Variants in CARD14 observed in about 807,000 individuals in gnomAD.
CARD14 encodes the protein caspase recruitment domain-containing protein 14.
CARD14 carries 107 observed loss-of-function variants against 111.5 expected under a neutral mutation model. The ratio of observed to expected loss-of-function variants is 0.96; its 90% CI spans 0.82 to 1.13. CARD14 has a LOEUF of 1.13. CARD14 is among the 50% of genes most tolerant of loss of function. The pLI is 0.00. For missense variants in CARD14, 1,322 were observed against 1,362.3 expected (o/e 0.97, Z 0.47); for synonymous variants, 617 against 579.6 (o/e 1.06, Z -0.93).
chr17:80,182,921 GC>G lies in CARD14; in HGVS notation c.349+135del. ...CCTCCAGGCTGCAGTTCCTGTCCCA[GC>G]CCCAGCACTCTGAGGGTGAGGAACC... is the stretch of plus-strand genomic sequence containing the variant. On this transcript the variant is annotated intron_variant, in intron 6 of 23. Coordinates refer to ENST00000648509, the MANE Select transcript of CARD14 (RefSeq NM_001366385.1). This position sits in a 1 kb window ranked among gnomAD's most constrained non-coding sequence, Gnocchi z 4.7. 1 of 1,099,188 alleles carries G rather than the reference GC, an allele frequency of 9.1e-7. No individual in the cohort carries two copies. Among genetic ancestry groups the G allele is most frequent in the Non-Finnish European group, 1.3e-6 (1 of 757,528 alleles). The allele number at this position is 1,099,188 out of a possible 1,614,324, so 68.1% of individuals were successfully genotyped here.
In CARD14 at chr17:80,202,172, T is replaced by G. The variant is rs1444255452; in HGVS notation, c.1979-8T>G. The G allele has an allele frequency of 3.1e-6, 5 of 1,605,896 alleles. No individual in the cohort carries two copies. Among genetic ancestry groups the G allele is most frequent in the Non-Finnish European group, 4.3e-6 (5 of 1,173,304 alleles). ...GGCTCATCTGTGGCTCATGTCCCCT[T>G]TTATCAGGTTATAAGAGGCTACTCC... On this transcript the variant is annotated splice_region_variant and splice_polypyrimidine_tract_variant and intron_variant, in intron 17 of 23. Transcript: ENST00000648509.
chr17:80,191,259 C>T, intron 10 of CARD14, 64 bp from the exon 11 acceptor site: 2 of 1,573,108 alleles, frequency 1.3e-6, no homozygotes, highest in Non-Finnish European at 1.7e-6. Flanking sequence ...CAGGGCTCTC[C>T]TTCTCTAGCT....
rs4889996 is a variant in CARD14 at position 80,204,371 on chromosome 17, A to G, written c.2398+30A>G. On this transcript the variant is annotated intron_variant, in intron 20 of 23. Transcript: ENST00000648509. ...GGCCTGGTGAGCTGGCACAGGGGCC[A>G]CTGGCTCCAAGTGGGTGAGGGGCTT... 0.48 allele frequency: 720,998 copies of G among 1,511,984 alleles called. 176,772 individuals are homozygous for G. The highest frequency in any genetic ancestry group is 0.55 in the East Asian group (22,029 of 40,254). The allele number at this position is 1,511,984 out of a possible 1,614,324, so 93.7% of individuals were successfully genotyped here.
At chr17:80,204,177 G>A in intron 19 of CARD14, 50 bp from the exon 20 acceptor site, 2 of 1,521,228 alleles carry the variant, frequency 1.3e-6, no homozygotes, top group Non-Finnish European at 8.9e-7. Flanking sequence ...TCCCATTCCT[G>A]TTGATGGCTT....
intron 2 of CARD14, 63 bp downstream of exon 2, chr17:80,173,291 C>G (rs1260290254): frequency 1.4e-5 from 2 of 139,142 alleles, no homozygotes; most frequent in African/African-American, 2.7e-5. Flanking sequence ...CTCTCTTTCT[C>G]TCTCATGCAC....
intron 7 of CARD14, among the ~76,000 whole-genome samples, chr17:80,187,576 G>A (rs1315616178): frequency 6.6e-6 from 1 of 152,228 alleles, no homozygotes; most frequent in Non-Finnish European, 1.5e-5. Flanking sequence ...CAGGAGCTGG[G>A]AACTTGCGAA....
rs1322384527 is a variant in CARD14, at chr17:80,181,437, C to A, written c.-2C>A. 5 of 1,563,476 alleles carry A rather than the reference C, an allele frequency of 3.2e-6. No individual in the cohort carries two copies. Among genetic ancestry groups the A allele is most frequent in the Non-Finnish European group, 4.3e-6 (5 of 1,154,178 alleles). ...CTCCTAGGGTCCTCCCAGCGCCCAG[C>A]CATGGGGGAACTGTGCCGCAGGGAC... On this transcript the variant is annotated 5_prime_UTR_variant, in exon 5 of 24. Coordinates refer to ENST00000648509, the MANE Select transcript of CARD14 (RefSeq NM_001366385.1).
At position 80,195,374 on chromosome 17, in the gene CARD14, G is replaced by A; in HGVS notation, c.1499+41G>A. ...CCTTCCTGGCACTGGGGTGGCACTG[G>A]GGTCCTTCCTGGCAACTCACCAGAG... is the stretch of plus-strand genomic sequence containing the variant. On this transcript the variant is annotated intron_variant, in intron 13 of 23. Transcript: ENST00000648509. This position sits in a 1 kb window ranked among gnomAD's most constrained non-coding sequence, Gnocchi z 4.7. 1 of 1,583,830 alleles carries A rather than the reference G, an allele frequency of 6.3e-7. No individual in the cohort carries two copies. Among genetic ancestry groups the A allele is most frequent in the Non-Finnish European group, 8.6e-7 (1 of 1,160,812 alleles).
chr17:80,191,350 A>G lies in CARD14; in HGVS notation c.1117A>G (p.Arg373Gly). ...QAYSARDSAQ[R>G]EISQSLVEKD... ...GTACTCCGCGAGGGACAGTGCTCAG[A>G]GGGAGATTTCCCAGAGCCTGGTGGA... Residue 373 changes from arginine (R) to glycine (G), a missense_variant, in exon 11 of 24, where the codon AGG becomes GGG. Transcript: ENST00000648509. 1 of 1,613,888 alleles carries G rather than the reference A, an allele frequency of 6.2e-7. No homozygotes were observed. Among genetic ancestry groups the G allele is most frequent in the Non-Finnish European group, 8.5e-7 (1 of 1,179,942 alleles).
intron 21 of CARD14, 35 bp downstream of exon 21, chr17:80,205,240 C>T (rs367744677): frequency 1.3e-6 from 2 of 1,561,224 alleles, no homozygotes; most frequent in Non-Finnish European, 1.7e-6. Context: ...CTACCCCTTC[C>T]ACCTTCCCTC....
chr17:80,200,181 C>T (rs1348278941), intron 16 of CARD14, among the ~76,000 whole-genome samples: 1 of 150,826 alleles, frequency 6.6e-6, no homozygotes, highest in Admixed American at 6.6e-5. Context: ...CTAATTCAAG[C>T]GTCCTTCACG....
rs372197132 is a variant in CARD14, at chr17:80,198,502, G to C, written c.1762G>C (p.Gly588Arg). The C allele has an allele frequency of 6.2e-7, 1 of 1,613,330 alleles. No homozygotes were observed. Among genetic ancestry groups the C allele is most frequent in the Non-Finnish European group, 8.5e-7 (1 of 1,179,920 alleles). Reference sequence around the variant, plus strand: ...GCTGGAGCAGATCAGCGTCATCGGCGGGAACCTCACGGGCATCTTCATCCA... The same window carrying C: ...GCTGGAGCAGATCAGCGTCATCGGCCGGAACCTCACGGGCATCTTCATCCA... ...ALLEQISVIG[G>R]NLTGIFIHRV... Residue 588 changes from glycine to arginine, a missense_variant, in exon 16 of 24, where the codon GGG (glycine) becomes CGG (arginine). By Grantham distance (125) the Gly-to-Arg change is moderately radical. Coordinates refer to ENST00000648509, the MANE Select transcript of CARD14 (RefSeq NM_001366385.1). This position sits in a 1 kb window ranked among gnomAD's most constrained non-coding sequence, Gnocchi z 7.5.
rs777549666 is a variant in CARD14 at position 80,205,628 on chromosome 17, T to C, written c.2667T>C (p.His889=). Residue 889 remains histidine, a synonymous_variant, in exon 22 of 24, where the codon CAT becomes CAC. Transcript: ENST00000648509. Reference sequence around the variant, plus strand: ...GGGGCCGCTGCTGGGTGACCCGCCATGCTGTGGAGTCCCTCATGGAAAAGG... The same window carrying C: ...GGGGCCGCTGCTGGGTGACCCGCCACGCTGTGGAGTCCCTCATGGAAAAGG... ...VSGGRCWVTR[H]AVESLMEKNT... 2 of 1,556,850 alleles carry C rather than the reference T, an allele frequency of 1.3e-6. No individual in the cohort carries two copies. Among genetic ancestry groups the C allele is most frequent in the East Asian group, 2.4e-5 (1 of 42,236 alleles).
At chr17:80,172,288 C>T (rs1023310284) in intron 1 of CARD14, among the ~76,000 whole-genome samples, 14 of 152,204 alleles carry the variant, frequency 9.2e-5, no homozygotes, top group Non-Finnish European at 2.1e-4. Flanking sequence ...AGGCCGAATG[C>T]CTATTGAAGT....
In CARD14 at chr17:80,203,957, C is replaced by A; in HGVS notation, c.2283+72C>A. ...GAGGGGCTCGGTGCTGGCAGGGTGGCAGGAGGCACTGTGTGGAGAGTGGGC... is the reference window on the plus strand; with the variant it reads ...GAGGGGCTCGGTGCTGGCAGGGTGGAAGGAGGCACTGTGTGGAGAGTGGGC... On this transcript the variant is annotated intron_variant, in intron 19 of 23. Transcript: ENST00000648509. The surrounding 1 kb of genome is among the most constrained non-coding windows in gnomAD (Gnocchi z 4.6). 7.9e-7 allele frequency: 1 copy of A among 1,268,342 alleles called. No homozygotes were observed. Among genetic ancestry groups the A allele is most frequent in the Non-Finnish European group, 1.1e-6 (1 of 900,386 alleles). The allele number at this position is 1,268,342 out of a possible 1,614,324, so 78.6% of individuals were successfully genotyped here. A position where few individuals can be genotyped will look rare whatever the true frequency, so the allele number is the denominator to read the frequency against.
rs371038458 is a variant in CARD14 at position 80,205,526 on chromosome 17, T to C, written c.2570-5T>C. The C allele has an allele frequency of 2.5e-6, 4 of 1,584,116 alleles. No homozygotes were observed. The South Asian group carries it at 4.6e-5, about 18-fold the overall frequency. On this transcript the variant is annotated splice_polypyrimidine_tract_variant and splice_region_variant and intron_variant, in intron 21 of 23. Coordinates refer to ENST00000648509, the MANE Select transcript of CARD14 (RefSeq NM_001366385.1). ...TATGATGGCCCCGTCCAATGTCACC[T>C]GTAGAGTACTTGAGCCAGGAGGAGT...
intron 21 of CARD14, 116 bp downstream of exon 21, chr17:80,205,321 T>A: frequency 1.7e-6 from 2 of 1,151,798 alleles, no homozygotes; most frequent in Non-Finnish European, 1.2e-6. Flanking sequence ...CCACGCACAT[T>A]CCCACACTCA....
At chr17:80,205,503 T>C (rs764460942) in intron 21 of CARD14, 28 bp from the exon 22 acceptor site, 4 of 1,574,572 alleles carry the variant, frequency 2.5e-6, no homozygotes, top group Non-Finnish European at 3.5e-6. Context: ...AGCTGGTCTA[T>C]GATGGCCCCG....
intron 11 of CARD14, 161 bp from the exon 12 acceptor site, chr17:80,192,342 A>T: frequency 1.6e-6 from 1 of 610,782 alleles, no homozygotes; most frequent in Non-Finnish European, 3.0e-6. Flanking sequence ...TGATCCTGTG[A>T]TGGGCTCGGA....
Sources: gnomAD v4.1 joint callset for allele counts (sites outside exome capture counted in the v4.1 genomes callset) on GRCh38, gnomAD v4.1.1 for gene constraint, Gnocchi (gnomAD v3.1) non-coding constraint, MANE v1.5 for transcripts, NCBI Gene and HGNC (gene_info 2026-07-23, HGNC 2026-07-21) for gene names.